CTNND2: variants seen among roughly 807,000 people sequenced by gnomAD.
CTNND2 encodes catenin delta 2.
A neutral mutation model predicts 144.4 loss-of-function variants in CTNND2; 22 were observed. The observed-to-expected ratio is 0.15, with a 90% CI of 0.11 to 0.22. The LOEUF is 0.22. Ranked by LOEUF, CTNND2 falls within the 10% of genes least tolerant of loss-of-function variation. The pLI is 1.00. For missense variants in CTNND2, 1,353 were observed against 1,618.8 expected (o/e 0.84, Z 2.82); for synonymous variants, 751 against 695.6 (o/e 1.08, Z -1.25).
intron 8 of CTNND2, among the ~76,000 whole-genome samples, chr5:11,361,105 C>G (rs892213488): frequency 7.9e-5 from 12 of 152,156 alleles, no homozygotes; most frequent in African/African-American, 2.2e-4. Context: ...AGCGCAACCT[C>G]CATCTCCTGG....
intron 8 of CTNND2, among the ~76,000 whole-genome samples, chr5:11,357,226 C>T (rs927067907): frequency 2.6e-5 from 4 of 152,082 alleles, no homozygotes; most frequent in African/African-American, 9.7e-5. Flanking sequence ...TACCTGTACA[C>T]TCACATGTTT....
At chr5:11,834,939 G>C (rs923866036) in intron 1 of CTNND2, among the ~76,000 whole-genome samples, 1 of 152,168 alleles carries the variant, frequency 6.6e-6, no homozygotes, top group East Asian at 1.9e-4. Context: ...CTGGGAGTTT[G>C]AGCAGCCTGG....
At chr5:11,476,550 C>A (rs961969922) in intron 3 of CTNND2, among the ~76,000 whole-genome samples, 2 of 152,140 alleles carry the variant, frequency 1.3e-5, no homozygotes, top group Non-Finnish European at 2.9e-5. Context: ...AAACTCCATA[C>A]ACTCACACGC....
chr5:11,100,632 G>C (rs1052479975), intron 14 of CTNND2, among the ~76,000 whole-genome samples: 1 of 152,174 alleles, frequency 6.6e-6, no homozygotes, highest in African/African-American at 2.4e-5. Context: ...CTATCTGCTA[G>C]AGTAACAAGA....
At chr5:11,873,658 G>A (rs970813853) in intron 1 of CTNND2, among the ~76,000 whole-genome samples, 3 of 152,206 alleles carry the variant, frequency 2.0e-5, no homozygotes, top group Non-Finnish European at 4.4e-5. Flanking sequence ...TTTACTGCTA[G>A]TGGAGCTGAA....
At chr5:11,507,036 G>T (rs1396698497) in intron 3 of CTNND2, among the ~76,000 whole-genome samples, 1 of 152,124 alleles carries the variant, frequency 6.6e-6, no homozygotes, top group Admixed American at 6.5e-5. Context: ...TCTTATATCT[G>T]ATCCTTTCTT....
chr5:11,434,459 C>G (rs968144657), intron 3 of CTNND2, among the ~76,000 whole-genome samples: 3 of 152,070 alleles, frequency 2.0e-5, no homozygotes, highest in African/African-American at 7.2e-5. Context: ...TGAGTGGTAC[C>G]CCTAAGACTG....
intron 1 of CTNND2, among the ~76,000 whole-genome samples, chr5:11,774,184 T>A (rs1341430783): frequency 6.6e-6 from 1 of 152,022 alleles, no homozygotes; most frequent in Non-Finnish European, 1.5e-5. Flanking sequence ...CAAGCACACA[T>A]CAATTTGCCT....
chr5:11,426,614 G>A (rs1414456733), intron 3 of CTNND2, among the ~76,000 whole-genome samples: 1 of 152,212 alleles, frequency 6.6e-6, no homozygotes, highest in Non-Finnish European at 1.5e-5. Flanking sequence ...TGGGAGTTGA[G>A]TGAGACTCAA....
chr5:11,198,286 A>T (rs1449498161), intron 11 of CTNND2, among the ~76,000 whole-genome samples: 1 of 152,144 alleles, frequency 6.6e-6, no homozygotes, highest in Non-Finnish European at 1.5e-5. Context: ...AACAATTATT[A>T]TTTTTTCCAC....
At chr5:11,656,491 A>AAG (rs1309669985) in intron 2 of CTNND2, among the ~76,000 whole-genome samples, 1 of 152,004 alleles carries the variant, frequency 6.6e-6, no homozygotes, top group African/African-American at 2.4e-5. Flanking sequence ...GTATTAGGTA[A>AAG]AGGTTCTTTG....
intron 11 of CTNND2, among the ~76,000 whole-genome samples, chr5:11,185,566 T>C (rs1169785024): frequency 2.6e-5 from 4 of 152,344 alleles, no homozygotes; most frequent in East Asian, 1.9e-4. Flanking sequence ...ACACAGTTGA[T>C]GTACACAGCT....
intron 6 of CTNND2, among the ~76,000 whole-genome samples, chr5:11,389,995 G>A (rs1175807694): frequency 6.6e-6 from 1 of 152,118 alleles, no homozygotes; most frequent in African/African-American, 2.4e-5. Flanking sequence ...TCTCATTATG[G>A]ATACGCAAGT....
chr5:10,976,197 ATGGACG>A (rs1411094707), intron 21 of CTNND2, among the ~76,000 whole-genome samples: 5 of 112,418 alleles, frequency 4.4e-5, no homozygotes, highest in African/African-American at 6.2e-5. Flanking sequence ...CTCTTGTGGT[ATGGACG>A]TCTTGTGGTA....
intron 1 of CTNND2, among the ~76,000 whole-genome samples, chr5:11,885,195 A>T (rs1736428750): frequency 6.6e-6 from 1 of 152,050 alleles, no homozygotes; most frequent in Non-Finnish European, 1.5e-5. Context: ...GATTGGAAAA[A>T]TTCCTTCCCC....
intron 3 of CTNND2, among the ~76,000 whole-genome samples, chr5:11,444,387 G>C (rs556491797): frequency 4.2e-4 from 64 of 152,292 alleles, no homozygotes; most frequent in Non-Finnish European, 7.5e-4. Flanking sequence ...CTCACATAGA[G>C]AAAGAAATTC....
At chr5:11,003,962 G>A (rs1305057927) in intron 18 of CTNND2, among the ~76,000 whole-genome samples, 1 of 152,170 alleles carries the variant, frequency 6.6e-6, no homozygotes, top group Non-Finnish European at 1.5e-5. Flanking sequence ...AGCAAATACT[G>A]TGTAAATCTG....
intron 2 of CTNND2, among the ~76,000 whole-genome samples, chr5:11,598,096 G>A (rs1438558351): frequency 1.3e-5 from 2 of 152,220 alleles, no homozygotes; most frequent in Admixed American, 6.5e-5. Flanking sequence ...CATCCAATGA[G>A]GCAAGTTATT....
At chr5:11,671,909 C>T (rs557029056) in intron 2 of CTNND2, among the ~76,000 whole-genome samples, 48 of 152,228 alleles carry the variant, frequency 3.2e-4, no homozygotes, top group African/African-American at 1.1e-3. Flanking sequence ...TCCCCATGTT[C>T]GTGGATTTAT....
Sources: allele counts gnomAD v4.1 joint callset (sites outside exome capture counted in the v4.1 genomes callset), GRCh38; gene constraint gnomAD v4.1.1; transcripts MANE v1.5; gene names NCBI Gene and HGNC (gene_info 2026-07-23, HGNC 2026-07-21).